Variants in PPP1R16B observed in about 807,000 individuals in gnomAD.
The protein encoded by PPP1R16B is protein phosphatase 1 regulatory inhibitor subunit 16B.
PPP1R16B carries 14 observed loss-of-function variants against 61.7 expected under a neutral mutation model. The observed-to-expected ratio is 0.23, with a 90% CI of 0.15 to 0.35. PPP1R16B has a LOEUF of 0.35. Among genes scored for constraint, PPP1R16B ranks in the 10% least tolerant of loss-of-function variants. The pLI, the probability that PPP1R16B is intolerant of heterozygous loss-of-function variation, is 1.00. For synonymous variants in PPP1R16B, 266 were observed against 305.3 expected (o/e 0.87, Z 1.34); for missense variants, 547 against 752.5 (o/e 0.73, Z 3.19).
intron 5 of PPP1R16B, among the ~76,000 whole-genome samples, chr20:38,901,401 T>C (rs2085393002): frequency 6.6e-6 from 1 of 152,202 alleles, no homozygotes; most frequent in African/African-American, 2.4e-5. Context: ...TATGGACCCC[T>C]TCTCAGAATA....
chr20:38,901,743 T>C (rs1465588570), intron 5 of PPP1R16B, among the ~76,000 whole-genome samples: 1 of 152,218 alleles, frequency 6.6e-6, no homozygotes, highest in Non-Finnish European at 1.5e-5. Context: ...TATAAAAGTA[T>C]AGGATTATAA....
At chr20:38,823,355 C>G (rs1322782885) in intron 1 of PPP1R16B, among the ~76,000 whole-genome samples, 1 of 152,164 alleles carries the variant, frequency 6.6e-6, no homozygotes, top group Non-Finnish European at 1.5e-5. Flanking sequence ...AAAGTGCTCA[C>G]TGAGGCCAGG....
intron 1 of PPP1R16B, among the ~76,000 whole-genome samples, chr20:38,816,976 A>G (rs2084739827): frequency 6.6e-6 from 1 of 152,238 alleles, no homozygotes; most frequent in Non-Finnish European, 1.5e-5. Context: ...CTCTCATGGC[A>G]GAACAGAAAT....
intron 1 of PPP1R16B, among the ~76,000 whole-genome samples, chr20:38,819,767 G>A (rs1438261476): frequency 6.6e-6 from 1 of 151,938 alleles, no homozygotes; most frequent in African/African-American, 2.4e-5. Flanking sequence ...TGTCGAGGTG[G>A]GACCCAGAGA....
intron 7 of PPP1R16B, 28 bp from the exon 8 acceptor site, chr20:38,906,951 G>C: frequency 6.3e-7 from 1 of 1,593,368 alleles, no homozygotes; most frequent in East Asian, 2.2e-5. Flanking sequence ...TGGGCAGGGG[G>C]ACACATGAGC....
At position 38,918,513 on chromosome 20, in the gene PPP1R16B, G is replaced by T. The variant is rs2085562268; in HGVS notation, c.1551G>T (p.Lys517Asn). ...ARTGESSSEG[K>N]APLIGGRTSP... The stretch of plus-strand genomic sequence containing the variant: ...CGGGCGAGAGTAGCAGTGAAGGCAA[G>T]GCCCCCTTGATCGGAGGCAGAACTT... The change falls in exon 11 of 11, where the codon AAG becomes AAT. Residue 517 changes from lysine to asparagine, a missense_variant. Transcript: ENST00000299824. This position sits in a 1 kb window ranked among gnomAD's most constrained non-coding sequence, Gnocchi z 5.3. The T allele has an allele frequency of 6.2e-7, 1 of 1,601,044 alleles. No individual in the cohort carries two copies. Among genetic ancestry groups the T allele is most frequent in the East Asian group, 2.2e-5 (1 of 44,664 alleles).
At chr20:38,839,055 G>A (rs995698235) in intron 2 of PPP1R16B, among the ~76,000 whole-genome samples, 9 of 152,362 alleles carry the variant, frequency 5.9e-5, no homozygotes, top group African/African-American at 2.2e-4. Context: ...AGCCTCTCAA[G>A]TAGCTGAGAC....
intron 10 of PPP1R16B, among the ~76,000 whole-genome samples, chr20:38,910,577 G>A (rs952450919): frequency 1.4e-5 from 2 of 146,058 alleles, no homozygotes; most frequent in Non-Finnish European, 1.5e-5. Context: ...TCTGTTGCCT[G>A]GGCTGGAGTG....
At chr20:38,878,460 G>A (rs1475562176) in intron 2 of PPP1R16B, among the ~76,000 whole-genome samples, 1 of 152,224 alleles carries the variant, frequency 6.6e-6, no homozygotes, top group Non-Finnish European at 1.5e-5. Context: ...ACATTGATAG[G>A]AATGGATTTT....
chr20:38,857,776 A>T (rs1479213264), intron 2 of PPP1R16B, among the ~76,000 whole-genome samples: 1 of 151,774 alleles, frequency 6.6e-6, no homozygotes, highest in South Asian at 2.1e-4. Context: ...TGATGGTTGC[A>T]TTGACCCAAG....
intron 6 of PPP1R16B, among the ~76,000 whole-genome samples, chr20:38,905,649 T>C (rs1264545860): frequency 3.3e-5 from 5 of 152,164 alleles, no homozygotes; most frequent in African/African-American, 1.2e-4. Context: ...TGTAGACATA[T>C]TTAAAAATCA....
chr20:38,877,466 G>A (rs150403922), intron 2 of PPP1R16B, among the ~76,000 whole-genome samples: 12,526 of 151,842 alleles, frequency 0.082, 635 homozygotes, highest in Admixed American at 0.15. Context: ...CCACCACCAC[G>A]CCCGGCTAAT....
chr20:38,885,808 C>T (rs1052921283), intron 2 of PPP1R16B, among the ~76,000 whole-genome samples: 2 of 152,204 alleles, frequency 1.3e-5, no homozygotes, highest in African/African-American at 4.8e-5. Flanking sequence ...CAGAGTCTTG[C>T]TCCGTCGCCC....
At chr20:38,821,138 A>G (rs2084771173) in intron 1 of PPP1R16B, among the ~76,000 whole-genome samples, 1 of 152,144 alleles carries the variant, frequency 6.6e-6, no homozygotes, top group Admixed American at 6.5e-5. Flanking sequence ...AGTGATTCCA[A>G]TGCCAAGTTT....
Position 38,841,244 on chromosome 20 carries a change from T to C in PPP1R16B, c.250+5069T>C, listed in dbSNP as rs549423405. Among the ~76,000 whole-genome samples, 20 of 151,844 alleles carry C rather than the reference T, an allele frequency of 1.3e-4. No homozygotes were observed. In the South Asian group the frequency reaches 4.2e-3, roughly 32 times the overall value. On this transcript the variant is annotated intron_variant, in intron 2 of 10. Coordinates refer to ENST00000299824, the MANE Select transcript of PPP1R16B (RefSeq NM_015568.4). ...ACAATCCAGTTGTAAAACATTGCCA[T>C]CGCTGAGTGGTGTGGCTAACACTTG...
intron 2 of PPP1R16B, among the ~76,000 whole-genome samples, chr20:38,849,017 T>C (rs2084951543): frequency 6.6e-6 from 1 of 152,226 alleles, no homozygotes; most frequent in South Asian, 2.1e-4. Context: ...ATGTTTATCA[T>C]ACTGAGTTTT....
chr20:38,867,203 C>T (rs971257936), intron 2 of PPP1R16B, among the ~76,000 whole-genome samples: 2 of 152,308 alleles, frequency 1.3e-5, no homozygotes, highest in African/African-American at 2.4e-5. Flanking sequence ...ATGGTTAAAG[C>T]GATGTCCCCA....
chr20:38,922,001 A>G lies in PPP1R16B; in HGVS notation c.*3335A>G, dbSNP rs2085602940. 6.6e-6 allele frequency: 1 copy of G among 152,212 alleles called. No homozygotes were observed. Among genetic ancestry groups the G allele is most frequent in the South Asian group, 2.1e-4 (1 of 4,822 alleles). 9.4% of individuals were successfully genotyped at this position (152,212 alleles called of 1,614,324 possible). A position where few individuals can be genotyped will look rare whatever the true frequency, so the allele number is the denominator to read the frequency against. On this transcript the variant is annotated 3_prime_UTR_variant, in exon 11 of 11. Coordinates refer to ENST00000299824, the MANE Select transcript of PPP1R16B (RefSeq NM_015568.4). ...GCTCCTCATTAGATTAAAGGAGACC[A>G]CTTCCAAAGCAGGTGCTGCATGGCT...
At chr20:38,856,597 C>G (rs1045212128) in intron 2 of PPP1R16B, among the ~76,000 whole-genome samples, 2 of 152,110 alleles carry the variant, frequency 1.3e-5, no homozygotes, top group African/African-American at 4.8e-5. Context: ...ACATCTGAGC[C>G]CCCAATTTCC....
Sources: allele counts gnomAD v4.1 joint callset (sites outside exome capture counted in the v4.1 genomes callset), GRCh38; gene constraint gnomAD v4.1.1; non-coding constraint Gnocchi (gnomAD v3.1); transcripts MANE v1.5; gene names NCBI Gene and HGNC (gene_info 2026-07-23, HGNC 2026-07-21).